The following KCNQ5 variants were observed in gnomAD, a reference collection of about 807,000 sequenced individuals.
The protein encoded by KCNQ5 is potassium voltage-gated channel subfamily KQT member 5.
KCNQ5 carries 30 observed loss-of-function variants against 98.2 expected under a neutral mutation model. The ratio of observed to expected loss-of-function variants is 0.31; its 90% CI spans 0.23 to 0.41. The LOEUF is 0.41. KCNQ5 is among the 10% of genes least tolerant of loss of function. KCNQ5 has a pLI of 1.00. For missense variants in KCNQ5, 835 were observed against 1,182.5 expected (o/e 0.71, Z 4.31); for synonymous variants, 458 against 449.4 (o/e 1.02, Z -0.24).
At chr6:72,772,440 G>A (rs1191274185) in intron 1 of KCNQ5, among the ~76,000 whole-genome samples, 2 of 152,076 alleles carry the variant, frequency 1.3e-5, no homozygotes. Context: ...TTGTCAAGTG[G>A]CTTTATACAC....
intron 10 of KCNQ5, among the ~76,000 whole-genome samples, chr6:73,168,329 T>C (rs1777880753): frequency 6.6e-6 from 1 of 152,202 alleles, no homozygotes; most frequent in Non-Finnish European, 1.5e-5. Flanking sequence ...AAATGAACAC[T>C]GCACAGAGCA....
chr6:72,662,727 G>T lies in KCNQ5; in HGVS notation c.398+40140G>T, dbSNP rs966762730. Among the ~76,000 whole-genome samples the T allele has an allele frequency of 6.6e-5, 10 of 152,088 alleles. No homozygotes were observed. The East Asian group carries it at 1.9e-3, about 29-fold the overall frequency. On this transcript the variant is annotated intron_variant, in intron 1 of 13. Transcript: ENST00000370398. Reference sequence around the variant, plus strand: ...ACTAAATCACTGTTCATCTTTTTAGGAGATTGCTTTGTTGTGTTACTGTTT... The same window carrying T: ...ACTAAATCACTGTTCATCTTTTTAGTAGATTGCTTTGTTGTGTTACTGTTT...
chr6:72,792,893 C>G (rs1400939564), intron 1 of KCNQ5, among the ~76,000 whole-genome samples: 1 of 152,134 alleles, frequency 6.6e-6, no homozygotes, highest in Non-Finnish European at 1.5e-5. Flanking sequence ...AATACTTTAT[C>G]ATGGGTTGCA....
chr6:73,080,140 CA>C (rs925223967), intron 5 of KCNQ5, among the ~76,000 whole-genome samples: 29 of 152,272 alleles, frequency 1.9e-4, no homozygotes, highest in African/African-American at 6.3e-4. Flanking sequence ...AGTTAGTCAT[CA>C]GTTTGTTTCT....
intron 1 of KCNQ5, among the ~76,000 whole-genome samples, chr6:72,888,020 A>G (rs1354683437): frequency 6.6e-6 from 1 of 152,186 alleles, no homozygotes; most frequent in African/African-American, 2.4e-5. Context: ...TGTGAGAAAA[A>G]TAACTACCAA....
At chr6:72,950,465 G>A (rs954228465) in intron 1 of KCNQ5, among the ~76,000 whole-genome samples, 24 of 152,152 alleles carry the variant, frequency 1.6e-4, no homozygotes, top group Non-Finnish European at 3.1e-4. Flanking sequence ...ACTGATTATC[G>A]CCAACTTGTT....
rs561020505 is a variant in KCNQ5, at chr6:72,645,406, C to A, written c.398+22819C>A. Among the ~76,000 whole-genome samples, 8 of 149,874 alleles carry A rather than the reference C, an allele frequency of 5.3e-5. No homozygotes were observed. The East Asian group carries it at 1.6e-3, about 29-fold the overall frequency. ...GTCTCAAGGAAAAAAAAAAAACACA[C>A]ATACACACAAAACAAATCAATAAAA... On this transcript the variant is annotated intron_variant, in intron 1 of 13. Coordinates refer to ENST00000370398, the MANE Select transcript of KCNQ5 (RefSeq NM_019842.4).
chr6:73,006,040 A>C (rs1172326772), intron 2 of KCNQ5, among the ~76,000 whole-genome samples: 1 of 152,232 alleles, frequency 6.6e-6, no homozygotes, highest in Non-Finnish European at 1.5e-5. Context: ...TTTAGCAATG[A>C]ATAAATTAGG....
intron 1 of KCNQ5, among the ~76,000 whole-genome samples, chr6:72,775,245 T>A (rs1773104136): frequency 6.6e-6 from 1 of 152,164 alleles, no homozygotes; most frequent in Non-Finnish European, 1.5e-5. Context: ...TGGATGAATG[T>A]CACCTTACCT....
At chr6:72,838,700 C>T (rs1228631453) in intron 1 of KCNQ5, among the ~76,000 whole-genome samples, 2 of 151,692 alleles carry the variant, frequency 1.3e-5, no homozygotes, top group Non-Finnish European at 2.9e-5. Flanking sequence ...CCTGTAATCC[C>T]AGCACTTTGG....
At chr6:73,169,471 A>G (rs1777924916) in intron 10 of KCNQ5, among the ~76,000 whole-genome samples, 1 of 152,236 alleles carries the variant, frequency 6.6e-6, no homozygotes, top group African/African-American at 2.4e-5. Context: ...TAGGTGGATC[A>G]ACACAAATCC....
At chr6:72,930,704 A>G (rs957036883) in intron 1 of KCNQ5, among the ~76,000 whole-genome samples, 5 of 152,010 alleles carry the variant, frequency 3.3e-5, no homozygotes, top group African/African-American at 1.2e-4. Flanking sequence ...TATGTTGCTT[A>G]CATTAATTGC....
intron 1 of KCNQ5, among the ~76,000 whole-genome samples, chr6:72,913,829 A>T (rs1190255988): frequency 6.6e-6 from 1 of 152,222 alleles, no homozygotes; most frequent in African/African-American, 2.4e-5. Context: ...TGAAACAGGT[A>T]AAGTTGTGTA....
chr6:73,022,695 G>T (rs1770660508), intron 2 of KCNQ5, among the ~76,000 whole-genome samples: 1 of 152,052 alleles, frequency 6.6e-6, no homozygotes, highest in African/African-American at 2.4e-5. Flanking sequence ...CTTCATTCAT[G>T]CTTAAATGAG....
intron 2 of KCNQ5, among the ~76,000 whole-genome samples, chr6:73,020,093 TTA>T (rs945517143): frequency 1.1e-4 from 16 of 152,146 alleles, no homozygotes; most frequent in Non-Finnish European, 1.9e-4. Context: ...GCGATCAGTT[TTA>T]GAGTGGACAC....
intron 5 of KCNQ5, among the ~76,000 whole-genome samples, chr6:73,101,000 A>G (rs537043888): frequency 2.0e-5 from 3 of 152,152 alleles, no homozygotes; most frequent in Non-Finnish European, 4.4e-5. Context: ...AAAAAAAATT[A>G]TCCCAGCAAA....
chr6:72,801,260 T>C (rs1345496505), intron 1 of KCNQ5, among the ~76,000 whole-genome samples: 1 of 148,474 alleles, frequency 6.7e-6, no homozygotes, highest in African/African-American at 2.6e-5. Context: ...TGTGGGAGTC[T>C]AAGTCTCTTT....
intron 1 of KCNQ5, among the ~76,000 whole-genome samples, chr6:72,937,906 T>C (rs931518683): frequency 2.0e-4 from 31 of 152,196 alleles, no homozygotes; most frequent in African/African-American, 7.0e-4. Flanking sequence ...AATTTGACCA[T>C]GATGGAGTTA....
intron 1 of KCNQ5, among the ~76,000 whole-genome samples, chr6:72,645,501 A>G (rs776586343): frequency 6.6e-6 from 1 of 152,138 alleles, no homozygotes; most frequent in Non-Finnish European, 1.5e-5. Flanking sequence ...TAAGTAGGAA[A>G]TGAATAATAT....
Sources: allele counts gnomAD v4.1 joint callset (sites outside exome capture counted in the v4.1 genomes callset), GRCh38; gene constraint gnomAD v4.1.1; transcripts MANE v1.5; gene names NCBI Gene and HGNC (gene_info 2026-07-23, HGNC 2026-07-21).